SLC26A5: variants seen among roughly 807,000 people sequenced by gnomAD.
SLC26A5 encodes prestin.
SLC26A5 carries 51 observed loss-of-function variants against 81.0 expected under a neutral mutation model. The observed-to-expected ratio is 0.63, with a 90% confidence interval of 0.50 to 0.80. The LOEUF is 0.80. Ranked by LOEUF, SLC26A5 falls within the 30% of genes least tolerant of loss-of-function variation. The pLI, the probability that SLC26A5 is intolerant of heterozygous loss-of-function variation, is 0.00. For synonymous variants in SLC26A5, 325 were observed against 332.8 expected (o/e 0.98, Z 0.25); for missense variants, 771 against 905.8 (o/e 0.85, Z 1.91).
At chr7:103,439,585 G>A (rs1826715874) in intron 2 of SLC26A5, among the ~76,000 whole-genome samples, 1 of 152,172 alleles carries the variant, frequency 6.6e-6, no homozygotes, top group Non-Finnish European at 1.5e-5. Context: ...CCAGGCTGGA[G>A]TGCAGTGGTG....
intron 14 of SLC26A5, among the ~76,000 whole-genome samples, chr7:103,384,261 G>A (rs909828570): frequency 6.6e-6 from 1 of 152,022 alleles, no homozygotes; most frequent in Non-Finnish European, 1.5e-5. Context: ...GGGATTATGG[G>A]CATGAGATGA....
chr7:103,355,559 A>T (rs2116159968), intron 19 of SLC26A5: 1 of 622,054 alleles, frequency 1.6e-6, no homozygotes, highest in Non-Finnish European at 2.8e-6. Flanking sequence ...GATGCTACTA[A>T]ACAGTCTATA....
intron 7 of SLC26A5, among the ~76,000 whole-genome samples, chr7:103,408,711 T>C (rs1239914471): frequency 6.6e-6 from 1 of 152,072 alleles, no homozygotes; most frequent in Non-Finnish European, 1.5e-5. Context: ...GAGAGAGAAA[T>C]TATTGTTAGC....
In SLC26A5 at chr7:103,386,927, C is replaced by T. The variant is rs557691626; in HGVS notation, c.1514+2081G>A. Reference sequence around the variant, plus strand: ...CAGGCACTCGCCACCACACCTGGCTCGCTTTTGTAATTTTAGTAGAGATGA... The same window carrying T: ...CAGGCACTCGCCACCACACCTGGCTTGCTTTTGTAATTTTAGTAGAGATGA... On this transcript the variant is annotated intron_variant, in intron 14 of 19. Transcript: ENST00000306312. 4.6e-5 allele frequency among the ~76,000 whole-genome samples: 7 copies of T among 152,006 alleles called. No homozygotes were observed. The South Asian group carries it at 6.2e-4, about 14-fold the overall frequency.
At chr7:103,405,200 A>T (rs1045731160) in intron 8 of SLC26A5, among the ~76,000 whole-genome samples, 2 of 152,108 alleles carry the variant, frequency 1.3e-5, no homozygotes, top group African/African-American at 4.8e-5. Context: ...CGTCAAACTC[A>T]TTCTCCATCC....
At chr7:103,384,544 G>A (rs905037109) in intron 14 of SLC26A5, among the ~76,000 whole-genome samples, 3 of 152,038 alleles carry the variant, frequency 2.0e-5, no homozygotes, top group Non-Finnish European at 4.4e-5. Flanking sequence ...TTGAACCCAG[G>A]AGGTGGAGGT....
intron 14 of SLC26A5, among the ~76,000 whole-genome samples, chr7:103,385,934 TC>T (rs1822158953): frequency 6.6e-6 from 1 of 151,222 alleles, no homozygotes; most frequent in African/African-American, 2.4e-5. Flanking sequence ...TTTCTTTCTT[TC>T]TTTTTTTTTT....
intron 8 of SLC26A5, among the ~76,000 whole-genome samples, chr7:103,405,793 C>T (rs1161321178): frequency 6.6e-6 from 1 of 152,246 alleles, no homozygotes; most frequent in East Asian, 1.9e-4. Flanking sequence ...CCCCTTCCCC[C>T]AGGTTCTCTG....
In SLC26A5 at chr7:103,381,715, C is replaced by T. The variant is rs552081024; in HGVS notation, c.1515-1166G>A. Among the ~76,000 whole-genome samples the T allele has an allele frequency of 5.3e-5, 8 of 151,528 alleles. No homozygotes were observed. In the South Asian group the frequency reaches 1.5e-3, roughly 28 times the overall value. ...CATGCATACATACCCCCACTACATG[C>T]CACACACAATACCATACACAATACA... On this transcript the variant is annotated intron_variant, in intron 14 of 19. Coordinates refer to ENST00000306312, the MANE Select transcript of SLC26A5 (RefSeq NM_198999.3).
chr7:103,397,881 T>C (rs2116539077), intron 9 of SLC26A5, 51 bp downstream of exon 9: 1 of 1,312,762 alleles, frequency 7.6e-7, no homozygotes, highest in East Asian at 2.3e-5. Flanking sequence ...TTAGAGGCAA[T>C]AGATCCATTG....
intron 12 of SLC26A5, 114 bp downstream of exon 12, chr7:103,390,315 A>T: frequency 2.0e-6 from 2 of 988,282 alleles, no homozygotes; most frequent in Non-Finnish European, 3.2e-6. Flanking sequence ...TTCTCATACC[A>T]TCCTGTGAGG....
In SLC26A5 at chr7:103,397,984, A is replaced by T; in HGVS notation, c.919T>A (p.Phe307Ile). Residue 307 changes from phenylalanine to isoleucine, a missense_variant, in exon 9 of 20, where the codon TTT (phenylalanine) becomes ATT (isoleucine). By Grantham distance (21) the Phe-to-Ile change is conservative (BLOSUM62 0). Coordinates refer to ENST00000306312, the MANE Select transcript of SLC26A5 (RefSeq NM_198999.3). Reference protein sequence around the residue: ...VVMGTGISAGFNLKESYNVDV... With the variant: ...VVMGTGISAGINLKESYNVDV... ...ACATTGTATGATTCTTTCAAGTTAA[A>T]CCCAGCTGAAATGCCAGTTCCCATT... The T allele has an allele frequency of 6.2e-7, 1 of 1,614,078 alleles. No homozygotes were observed.
chr7:103,353,627 G>T (rs1819857164), intron 19 of SLC26A5, among the ~76,000 whole-genome samples: 1 of 152,186 alleles, frequency 6.6e-6, no homozygotes, highest in African/African-American at 2.4e-5. Flanking sequence ...TTCATTGTAT[G>T]ACTATGGTAT....
chr7:103,390,224 G>C lies in SLC26A5; in HGVS notation c.1311+205C>G, dbSNP rs72655389. ...CAGATAAGGAAACCGAGACTCAGAG[G>C]AGTTAAGATGGCTTTCCCCAGGTCC... On this transcript the variant is annotated intron_variant, in intron 12 of 19. Transcript: ENST00000306312. Among the ~76,000 whole-genome samples the C allele has an allele frequency of 7.9e-5, 12 of 152,258 alleles. 1 individual carries two copies. The highest frequency in any genetic ancestry group is 2.9e-4 in the African/African-American group (12 of 41,540).
chr7:103,389,588 C>T (rs1295087261), intron 12 of SLC26A5, among the ~76,000 whole-genome samples, 164 bp from the exon 13 acceptor site: 1 of 152,090 alleles, frequency 6.6e-6, no homozygotes, highest in Non-Finnish European at 1.5e-5. Flanking sequence ...ATTTTCAGGA[C>T]CTGGTTAGCT....
At position 103,367,830 on chromosome 7, in the gene SLC26A5, TA is replaced by T; in HGVS notation, c.2041+8977del. 1 of 1,612,024 alleles carries T rather than the reference TA, an allele frequency of 6.2e-7. No individual in the cohort carries two copies. The highest frequency in any genetic ancestry group is 8.5e-7 in the Non-Finnish European group (1 of 1,179,192). On this transcript the variant is annotated intron_variant, in intron 19 of 19. Coordinates refer to the SLC26A5 transcript ENST00000339444. The surrounding 1 kb of genome is among the most constrained non-coding windows in gnomAD (Gnocchi z 6.1). ...CACTGGTAAGTAGAAAGTTCTTGCTTATATTTGCTGGTCTGTCTGCTCAGGC... is the reference window on the plus strand; with the variant it reads ...CACTGGTAAGTAGAAAGTTCTTGCTTTATTTGCTGGTCTGTCTGCTCAGGC...
intron 11 of SLC26A5, 78 bp downstream of exon 11, chr7:103,391,544 G>T: frequency 8.2e-7 from 1 of 1,213,332 alleles, no homozygotes; most frequent in Non-Finnish European, 1.2e-6. Flanking sequence ...GCTTTGTTTG[G>T]GTTCAGAATA....
chr7:103,353,833 T>A, intron 19 of SLC26A5: 1 of 1,125,122 alleles, frequency 8.9e-7, no homozygotes, highest in Non-Finnish European at 1.3e-6. Flanking sequence ...ACAATTTGAA[T>A]CGAACAGAAA....
chr7:103,385,218 G>A (rs1315599145), intron 14 of SLC26A5, among the ~76,000 whole-genome samples: 1 of 152,038 alleles, frequency 6.6e-6, no homozygotes, highest in Non-Finnish European at 1.5e-5. Context: ...CTGGAGTGCA[G>A]TGGCGTGATC....
Sources: allele counts gnomAD v4.1 joint callset (sites outside exome capture counted in the v4.1 genomes callset), GRCh38; gene constraint gnomAD v4.1.1; non-coding constraint Gnocchi (gnomAD v3.1); transcripts MANE v1.5; gene names NCBI Gene and HGNC (gene_info 2026-07-23, HGNC 2026-07-21).